The following CNTNAP5 variants were observed in gnomAD, a reference collection of about 807,000 sequenced individuals.
The protein encoded by CNTNAP5 is contactin associated protein family member 5.
In CNTNAP5, 72 loss-of-function variants were observed where a neutral mutation model predicts 150.2. That is an observed-to-expected ratio of 0.48 (90% CI 0.40 to 0.58). The LOEUF is 0.58. Ranked by LOEUF, CNTNAP5 falls within the 20% of genes least tolerant of loss-of-function variation. CNTNAP5 has a pLI of 0.00. For synonymous variants in CNTNAP5, 672 were observed against 619.8 expected (o/e 1.08, Z -1.25); for missense variants, 1,636 against 1,626.2 (o/e 1.01, Z -0.10).
Position 124,427,349 on chromosome 2 carries a change from C to G in CNTNAP5, c.530-7135C>G, listed in dbSNP as rs1028686502. ...AACACAAAGAGCTCTTTCTAAAAAC[C>G]CAAACCAATCATACATTTTCCCTAC... is the stretch of plus-strand genomic sequence containing the variant. On this transcript the variant is annotated intron_variant, in intron 4 of 23. Coordinates refer to ENST00000682447, the MANE Select transcript of CNTNAP5 (RefSeq NM_001367498.1). Among the ~76,000 whole-genome samples, 4 of 152,140 alleles carry G rather than the reference C, an allele frequency of 2.6e-5. No individual in the cohort carries two copies. The East Asian group carries it at 7.7e-4, about 29-fold the overall frequency.
At chr2:124,757,355 G>A (rs115050690) in intron 14 of CNTNAP5, among the ~76,000 whole-genome samples, 1,984 of 152,270 alleles carry the variant, frequency 0.013, 52 homozygotes, top group African/African-American at 0.045. Context: ...AATGGGGATG[G>A]TCACCCTGAG....
chr2:124,672,744 A>G (rs184235178), intron 13 of CNTNAP5, among the ~76,000 whole-genome samples: 97 of 152,362 alleles, frequency 6.4e-4, no homozygotes, highest in Admixed American at 2.8e-3. Flanking sequence ...CTCTCCTATA[A>G]ATATGTTCAA....
chr2:124,439,310 A>G (rs1241362851), intron 5 of CNTNAP5, among the ~76,000 whole-genome samples: 3 of 152,184 alleles, frequency 2.0e-5, no homozygotes, highest in Non-Finnish European at 4.4e-5. Flanking sequence ...TCAGGCACTG[A>G]ATTCTGCACT....
At chr2:124,113,895 A>G (rs186808860) in intron 1 of CNTNAP5, among the ~76,000 whole-genome samples, 54 of 151,844 alleles carry the variant, frequency 3.6e-4, no homozygotes, top group African/African-American at 1.2e-3. Flanking sequence ...CTACAGCATC[A>G]CCTTTGCTAT....
chr2:124,527,246 T>C (rs774841803), intron 9 of CNTNAP5, 39 bp from the exon 10 acceptor site: 49 of 1,587,110 alleles, frequency 3.1e-5, no homozygotes, highest in Non-Finnish European at 4.1e-5. Context: ...TGACGGATCA[T>C]TTCAGCATTC....
chr2:124,659,588 A>C (rs926125271), intron 13 of CNTNAP5, among the ~76,000 whole-genome samples: 1 of 152,224 alleles, frequency 6.6e-6, no homozygotes, highest in Admixed American at 6.5e-5. Flanking sequence ...CTTCTCTGCG[A>C]AATAGCTAAC....
At chr2:124,693,477 G>A (rs1287563125) in intron 13 of CNTNAP5, among the ~76,000 whole-genome samples, 1 of 152,114 alleles carries the variant, frequency 6.6e-6, no homozygotes, top group African/African-American at 2.4e-5. Context: ...ATTCAGAGGT[G>A]TTAACAGTCA....
intron 3 of CNTNAP5, among the ~76,000 whole-genome samples, chr2:124,315,302 T>C (rs1688936431): frequency 6.6e-6 from 1 of 152,182 alleles, no homozygotes. Context: ...TTTTGGATAC[T>C]ACTTAGCCTA....
At chr2:124,215,619 T>C (rs906318115) in intron 1 of CNTNAP5, among the ~76,000 whole-genome samples, 2 of 151,894 alleles carry the variant, frequency 1.3e-5, no homozygotes, top group African/African-American at 2.4e-5. Context: ...TCTTACCTTT[T>C]TTCTTTTGCC....
intron 11 of CNTNAP5, among the ~76,000 whole-genome samples, chr2:124,599,338 T>C (rs1199090771): frequency 6.6e-6 from 1 of 152,180 alleles, no homozygotes; most frequent in Non-Finnish European, 1.5e-5. Flanking sequence ...CAAATATCTA[T>C]AGTTGTGAAT....
chr2:124,608,118 C>T (rs369848776), intron 11 of CNTNAP5, among the ~76,000 whole-genome samples: 49 of 152,284 alleles, frequency 3.2e-4, no homozygotes, highest in Admixed American at 7.8e-4. Context: ...GCAGCTTCCT[C>T]TTCCTGGGAT....
Position 124,257,863 on chromosome 2 carries a change from T to C in CNTNAP5, c.381+15470T>C, listed in dbSNP as rs535576819. ...GGTCTGGTATGGAGTAAACATTCAATAGTAACTTGCTGACTATTTGCCCTG... is the reference window on the plus strand; with the variant it reads ...GGTCTGGTATGGAGTAAACATTCAACAGTAACTTGCTGACTATTTGCCCTG... On this transcript the variant is annotated intron_variant, in intron 3 of 23. Coordinates refer to ENST00000682447, the MANE Select transcript of CNTNAP5 (RefSeq NM_001367498.1). Among the ~76,000 whole-genome samples, 37 of 152,252 alleles carry C rather than the reference T, an allele frequency of 2.4e-4. No individual in the cohort carries two copies. In the South Asian group the frequency reaches 7.3e-3, roughly 30 times the overall value.
At chr2:124,908,088 T>A (rs772157170) in intron 22 of CNTNAP5, among the ~76,000 whole-genome samples, 3 of 151,878 alleles carry the variant, frequency 2.0e-5, no homozygotes, top group Admixed American at 6.6e-5. Flanking sequence ...AAAAAAGCCA[T>A]GAGGCTGGAT....
At chr2:124,808,741 G>C (rs1265204543) in intron 19 of CNTNAP5, among the ~76,000 whole-genome samples, 2 of 152,182 alleles carry the variant, frequency 1.3e-5, no homozygotes, top group African/African-American at 4.8e-5. Context: ...GAGGAAGGCT[G>C]CCTCTGCCCC....
chr2:124,659,939 C>G (rs761790638), intron 13 of CNTNAP5, among the ~76,000 whole-genome samples: 3 of 151,096 alleles, frequency 2.0e-5, no homozygotes, highest in African/African-American at 7.3e-5. Context: ...ATGGGGGAGA[C>G]ATTGTAGGAA....
At chr2:124,305,572 C>T (rs1688667971) in intron 3 of CNTNAP5, among the ~76,000 whole-genome samples, 2 of 152,240 alleles carry the variant, frequency 1.3e-5, no homozygotes, top group Admixed American at 6.5e-5. Flanking sequence ...GTGTTGGAAA[C>T]TTAATCCCAG....
At chr2:124,603,861 T>C (rs182567208) in intron 11 of CNTNAP5, among the ~76,000 whole-genome samples, 1 of 152,304 alleles carries the variant, frequency 6.6e-6, no homozygotes, top group Admixed American at 6.5e-5. Context: ...AGATAGAAAC[T>C]AATAAATTGT....
intron 7 of CNTNAP5, among the ~76,000 whole-genome samples, chr2:124,490,509 T>A (rs1216535906): frequency 6.6e-6 from 1 of 152,070 alleles, no homozygotes; most frequent in Non-Finnish European, 1.5e-5. Context: ...CCACAATCTC[T>A]TTGAACAATA....
intron 1 of CNTNAP5, among the ~76,000 whole-genome samples, chr2:124,133,920 C>T (rs374365239): frequency 2.0e-4 from 30 of 152,296 alleles, no homozygotes; most frequent in African/African-American, 7.2e-4. Flanking sequence ...CAAAACAACA[C>T]CTGCATCTGT....
Sources: gnomAD v4.1 joint callset for allele counts (sites outside exome capture counted in the v4.1 genomes callset) on GRCh38, gnomAD v4.1.1 for gene constraint, MANE v1.5 for transcripts, NCBI Gene and HGNC (gene_info 2026-07-23, HGNC 2026-07-21) for gene names.